RIF1: variants seen among roughly 807,000 people sequenced by gnomAD.
RIF1 encodes the protein replication timing regulatory factor 1.
Under a neutral mutation model 247.1 loss-of-function variants are expected in RIF1, and 45 were observed. The observed-to-expected ratio is 0.18, with a 90% CI of 0.14 to 0.23. RIF1 has a LOEUF of 0.23. Ranked by LOEUF, RIF1 falls within the 10% of genes least tolerant of loss-of-function variation. The pLI, the probability that RIF1 is intolerant of heterozygous loss-of-function variation, is 1.00. For synonymous variants in RIF1, 1,087 were observed against 978.8 expected (o/e 1.11, Z -2.06); for missense variants, 2,967 against 2,862.5 (o/e 1.04, Z -0.83).
At chr2:151,451,581 C>G (rs1245097447) in intron 20 of RIF1, 25 bp from the exon 21 acceptor site, 2 of 1,096,808 alleles carry the variant, frequency 1.8e-6, no homozygotes, top group Non-Finnish European at 2.8e-6. Flanking sequence ...TTGAATGTTT[C>G]TAACAGTGGT....
intron 10 of RIF1, among the ~76,000 whole-genome samples, chr2:151,495,912 T>C (rs754699796): frequency 3.3e-5 from 5 of 152,108 alleles, no homozygotes; most frequent in Non-Finnish European, 2.9e-5. Context: ...AAAATCATAT[T>C]TAAGAAAGAG....
At chr2:151,496,467 A>T (rs762134844) in intron 10 of RIF1, 10 of 1,473,900 alleles carry the variant, frequency 6.8e-6, no homozygotes, top group South Asian at 3.9e-5. Context: ...AAGAAAACAC[A>T]GTCGTCCAAG....
chr2:151,445,171 C>T (rs1693033184), intron 18 of RIF1, among the ~76,000 whole-genome samples, 167 bp from the exon 19 acceptor site: 1 of 152,140 alleles, frequency 6.6e-6, no homozygotes, highest in Non-Finnish European at 1.5e-5. Flanking sequence ...GACTTTATTT[C>T]CAAATAAGAC....
chr2:151,410,888 C>G (rs1022184986), intron 2 of RIF1, among the ~76,000 whole-genome samples: 1 of 151,870 alleles, frequency 6.6e-6, no homozygotes, highest in Non-Finnish European at 1.5e-5. Flanking sequence ...GAGCAATACA[C>G]TGATTTTTAT....
chr2:151,514,202 T>C, the RIF1 span: 7 of 712,670 alleles, frequency 9.8e-6, no homozygotes, highest in Non-Finnish European at 1.7e-5. Flanking sequence ...AATCTGAAAA[T>C]GAAAAGCTCT....
intron 30 of RIF1, among the ~76,000 whole-genome samples, chr2:151,466,627 A>G (rs1168896203): frequency 3.3e-5 from 5 of 152,116 alleles, no homozygotes; most frequent in African/African-American, 1.2e-4. Flanking sequence ...TTCCTCAGCT[A>G]AATTATAGAT....
At chr2:151,497,730 G>GAAAGC in intron 10 of RIF1, 1 of 1,564,904 alleles carries the variant, frequency 6.4e-7, no homozygotes, top group Non-Finnish European at 8.7e-7. Context: ...TGTGCGATAA[G>GAAAGC]AAAGCATCCA....
At chr2:151,533,485 G>A in the RIF1 span, 1 of 1,551,356 alleles carries the variant, frequency 6.4e-7, no homozygotes, top group African/African-American at 1.4e-5. Flanking sequence ...CAACATATCT[G>A]GACGCAGAAT....
intron 20 of RIF1, among the ~76,000 whole-genome samples, chr2:151,449,374 T>C (rs938115270): frequency 6.6e-6 from 1 of 152,250 alleles, no homozygotes; most frequent in Admixed American, 6.5e-5. Flanking sequence ...AAAACTGTTC[T>C]TCACCAATTT....
rs978997075 is a variant in RIF1, at chr2:151,446,423, T to C, written c.2095-3T>C. ...AAACTTCTTTTTTTGTTGTTATTGGTAGGCCACCATGAAGACTTTGCTTAG... is the reference window on the plus strand; with the variant it reads ...AAACTTCTTTTTTTGTTGTTATTGGCAGGCCACCATGAAGACTTTGCTTAG... On this transcript the variant is annotated splice_region_variant and splice_polypyrimidine_tract_variant and intron_variant, in intron 19 of 35. Transcript: ENST00000444746. 5 of 1,613,702 alleles carry C rather than the reference T, an allele frequency of 3.1e-6. 1 individual carries two copies. In the South Asian group the frequency reaches 5.5e-5, roughly 18 times the overall value.
intron 35 of RIF1, among the ~76,000 whole-genome samples, chr2:151,474,644 C>G (rs1173866569): frequency 6.6e-6 from 1 of 152,136 alleles, no homozygotes; most frequent in African/African-American, 2.4e-5. Flanking sequence ...CCACTGCACT[C>G]CAGCCTGGGC....
Position 151,469,832 on chromosome 2 carries a change from A to G in RIF1, c.7063A>G (p.Lys2355Glu). The change falls in exon 34 of 36, where the codon AAA becomes GAA. Residue 2355 changes from lysine (K) to glutamate (E), a missense_variant. Transcript: ENST00000444746. ...PIRSPKVSNV[K>E]KALRIYHEQQ... Reference sequence around the variant, plus strand: ...CCGTTCTCCAAAAGTGTCCAATGTAAAAAAGGCTCTCAGAATATATCATGA... The same window carrying G: ...CCGTTCTCCAAAAGTGTCCAATGTAGAAAAGGCTCTCAGAATATATCATGA... 6.2e-7 allele frequency: 1 copy of G among 1,610,512 alleles called. No individual in the cohort carries two copies. The highest frequency in any genetic ancestry group is 1.1e-5 in the South Asian group (1 of 90,478).
At chr2:151,503,179 C>T (rs757055441) in exon 12 of RIF1, 8 of 606,982 alleles carry the variant, frequency 1.3e-5, no homozygotes, top group South Asian at 6.4e-5. Flanking sequence ...CAAGTATAAT[C>T]GGAAATGTGA....
intron 12 of RIF1, chr2:151,506,019 A>G: frequency 1.4e-6 from 1 of 734,532 alleles, no homozygotes; most frequent in Non-Finnish European, 2.5e-6. Context: ...AGATGACTCT[A>G]GCCACTGTGT....
Position 151,435,523 on chromosome 2 carries a change from A to G in RIF1, c.1138A>G (p.Asn380Asp). Residue 380 changes from asparagine to aspartate, a missense_variant, in exon 11 of 36, where the codon AAT becomes GAT. Coordinates refer to ENST00000444746, the MANE Select transcript of RIF1 (RefSeq NM_018151.5). ...SIDSNASPQG[N>D]SCHVATSPGL... ...TGATTCTAATGCCTCACCTCAGGGC[A>G]ATTCGTGTCATGTAGCTACATCTCC... 6.2e-7 allele frequency: 1 copy of G among 1,613,108 alleles called. No individual in the cohort carries two copies. Among genetic ancestry groups the G allele is most frequent in the Middle Eastern group, 1.7e-4 (1 of 6,054 alleles).
At chr2:151,460,811 C>CA (rs1389126551) in intron 26 of RIF1, among the ~76,000 whole-genome samples, 2 of 152,198 alleles carry the variant, frequency 1.3e-5, no homozygotes, top group African/African-American at 2.4e-5. Context: ...AGTCATGCCT[C>CA]AACTTGAGAG....
At chr2:151,502,452 AT>A (rs2065442522) in intron 11 of RIF1, among the ~76,000 whole-genome samples, 1 of 152,154 alleles carries the variant, frequency 6.6e-6, no homozygotes, top group Non-Finnish European at 1.5e-5. Flanking sequence ...ATAAATACAA[AT>A]AAAATTCTAA....
chr2:151,433,474 AGATGGAGTCTTGTTCTGTTTCCCAG>A (rs1690545118), intron 10 of RIF1, among the ~76,000 whole-genome samples: 1 of 152,050 alleles, frequency 6.6e-6, no homozygotes, highest in Non-Finnish European at 1.5e-5. Context: ...ATTTATTTTG[AGATGGAGTCTTGTTCTGTTTCCCAG>A]GATGGAGTGC....
At chr2:151,470,239 C>A (rs911999756) in intron 34 of RIF1, among the ~76,000 whole-genome samples, 3 of 151,948 alleles carry the variant, frequency 2.0e-5, no homozygotes, top group African/African-American at 7.2e-5. Flanking sequence ...TGCATATGAA[C>A]ATTTTGGGTC....
Sources: allele counts gnomAD v4.1 joint callset (sites outside exome capture counted in the v4.1 genomes callset), GRCh38; gene constraint gnomAD v4.1.1; transcripts MANE v1.5; gene names NCBI Gene and HGNC (gene_info 2026-07-23, HGNC 2026-07-21).